COP1: variants seen among roughly 807,000 people sequenced by gnomAD.
COP1 encodes the protein COP1 E3 ubiquitin ligase, also known as E3 ubiquitin-protein ligase COP1.
Under a neutral mutation model 101.3 loss-of-function variants are expected in COP1, and 24 were observed. The ratio of observed to expected loss-of-function variants is 0.24; its 90% CI spans 0.17 to 0.33. The LOEUF is 0.33. COP1 is among the 10% of genes least tolerant of loss of function. The pLI is 1.00. For missense variants in COP1, 663 were observed against 906.2 expected (o/e 0.73, Z 3.45); for synonymous variants, 347 against 341.9 (o/e 1.01, Z -0.17).
intron 1 of COP1, among the ~76,000 whole-genome samples, chr1:176,204,361 C>G (rs1700607795): frequency 6.6e-6 from 1 of 151,972 alleles, no homozygotes; most frequent in Admixed American, 6.6e-5. Context: ...TGAACTTGGG[C>G]TTCGTTTAAA....
In COP1 at chr1:176,175,803, A is replaced by G. The variant is rs1205754035; in HGVS notation, c.565+107T>C. 18 of 609,736 alleles carry G rather than the reference A, an allele frequency of 3.0e-5. 1 individual carries two copies. Among genetic ancestry groups the G allele is most frequent in the Non-Finnish European group, 5.0e-5 (17 of 342,074 alleles). The allele number at this position is 609,736 out of a possible 1,614,324, so 37.8% of individuals were successfully genotyped here. A position where few individuals can be genotyped will look rare whatever the true frequency, so the allele number is the denominator to read the frequency against. ...AGGAAAGCACTGTGGTATACAGTAG[A>G]GAGAGACTTGCTTACCACTAAGGTA... On this transcript the variant is annotated intron_variant, in intron 3 of 19. Coordinates refer to ENST00000367669, the MANE Select transcript of COP1 (RefSeq NM_022457.7).
At chr1:176,083,663 T>C (rs555505639) in intron 10 of COP1, among the ~76,000 whole-genome samples, 2 of 148,442 alleles carry the variant, frequency 1.3e-5, no homozygotes, top group East Asian at 4.0e-4. Flanking sequence ...AAAGTAATAG[T>C]TCTTTAATAT....
At chr1:176,191,191 C>T (rs1428429384) in intron 1 of COP1, among the ~76,000 whole-genome samples, 1 of 151,898 alleles carries the variant, frequency 6.6e-6, no homozygotes, top group Non-Finnish European at 1.5e-5. Context: ...GACTCGAAAA[C>T]AATAAATTAT....
At chr1:175,965,345 G>A (rs544781343) in intron 18 of COP1, among the ~76,000 whole-genome samples, 60 of 152,142 alleles carry the variant, frequency 3.9e-4, no homozygotes, top group Non-Finnish European at 4.3e-4. Context: ...AAGATATAGG[G>A]ATTCTTAAAT....
chr1:176,129,854 C>T (rs535483860), intron 8 of COP1, among the ~76,000 whole-genome samples: 3 of 151,806 alleles, frequency 2.0e-5, no homozygotes, highest in East Asian at 3.9e-4. Flanking sequence ...ATGGCTTTGA[C>T]GAGAATTTAA....
chr1:176,023,577 G>T (rs998674010), intron 15 of COP1, among the ~76,000 whole-genome samples: 9 of 152,008 alleles, frequency 5.9e-5, no homozygotes, highest in African/African-American at 2.2e-4. Flanking sequence ...AATTAGCTGG[G>T]AGTGGTGGCA....
At chr1:176,183,143 A>G (rs548401232) in intron 2 of COP1, among the ~76,000 whole-genome samples, 1 of 152,346 alleles carries the variant, frequency 6.6e-6, no homozygotes, top group Non-Finnish European at 1.5e-5. Flanking sequence ...AGTGACTAGC[A>G]GAGGGAATAC....
At chr1:176,074,494 A>G (rs986398270) in intron 11 of COP1, among the ~76,000 whole-genome samples, 1 of 152,176 alleles carries the variant, frequency 6.6e-6, no homozygotes, top group African/African-American at 2.4e-5. Flanking sequence ...TTAATAGAAA[A>G]AAAACGAATG....
chr1:176,149,944 C>T (rs894850576), intron 5 of COP1, among the ~76,000 whole-genome samples: 3 of 151,898 alleles, frequency 2.0e-5, no homozygotes, highest in Non-Finnish European at 2.9e-5. Flanking sequence ...CCAAAACAAA[C>T]AAAAATACAT....
At chr1:176,025,975 G>A (rs530569366) in intron 15 of COP1, among the ~76,000 whole-genome samples, 1 of 152,006 alleles carries the variant, frequency 6.6e-6, no homozygotes, top group East Asian at 1.9e-4. Flanking sequence ...TAATGCCAAT[G>A]GTTCTAAAAT....
At chr1:176,045,067 A>G (rs1275212849) in intron 12 of COP1, among the ~76,000 whole-genome samples, 3 of 152,194 alleles carry the variant, frequency 2.0e-5, no homozygotes, top group African/African-American at 7.2e-5. Flanking sequence ...TCTAGAACCA[A>G]ACTACTTCAG....
chr1:176,094,805 CAT>C (rs1257445211), intron 9 of COP1, among the ~76,000 whole-genome samples: 1 of 152,012 alleles, frequency 6.6e-6, no homozygotes, highest in Non-Finnish European at 1.5e-5. Context: ...AATCTTTACA[CAT>C]ATAACTACTT....
At chr1:176,173,634 T>C (rs886066487) in intron 3 of COP1, among the ~76,000 whole-genome samples, 33 of 145,330 alleles carry the variant, frequency 2.3e-4, no homozygotes, top group African/African-American at 8.0e-4. Flanking sequence ...TGGGGCGCTG[T>C]CTCAAAAAAA....
chr1:176,168,424 G>A (rs1301893242), intron 3 of COP1, among the ~76,000 whole-genome samples: 3 of 149,156 alleles, frequency 2.0e-5, no homozygotes, highest in African/African-American at 7.5e-5. Flanking sequence ...GAGTACGGGG[G>A]AAAGGAAGGA....
At chr1:176,165,702 TAAAC>T (rs894214071) in intron 3 of COP1, among the ~76,000 whole-genome samples, 12 of 149,740 alleles carry the variant, frequency 8.0e-5, no homozygotes, top group Admixed American at 6.6e-4. Flanking sequence ...AATAAATAAA[TAAAC>T]AAGTAAGTAA....
chr1:175,977,995 C>A (rs1654976599), intron 18 of COP1, among the ~76,000 whole-genome samples: 1 of 151,944 alleles, frequency 6.6e-6, no homozygotes, highest in South Asian at 2.1e-4. Context: ...CATTAGAAAC[C>A]AAACTCAAAT....
chr1:176,029,643 C>G (rs1668326290), intron 14 of COP1, among the ~76,000 whole-genome samples: 3 of 152,082 alleles, frequency 2.0e-5, no homozygotes, highest in Admixed American at 2.0e-4. Context: ...AAAAAGCTCT[C>G]CAGGTGATTC....
Position 176,207,265 on chromosome 1 carries a change from G to C in COP1, c.-287C>G, listed in dbSNP as rs1430562896. The C allele has an allele frequency of 2.6e-6, 1 of 389,560 alleles. No homozygotes were observed. The highest frequency in any genetic ancestry group is 4.5e-6 in the Non-Finnish European group (1 of 220,532). The allele number at this position is 389,560 out of a possible 1,614,324, so 24.1% of individuals were successfully genotyped here. A position where few individuals can be genotyped will look rare whatever the true frequency, so the allele number is the denominator to read the frequency against. ...CAGCCAACCCCGGCGCGCCGTGGCC[G>C]GCCGTGCGCGCGCGCGCGAGCGGCG... is the stretch of plus-strand genomic sequence containing the variant. On this transcript the variant is annotated 5_prime_UTR_variant, in exon 1 of 20. Coordinates refer to ENST00000367669, the MANE Select transcript of COP1 (RefSeq NM_022457.7).
At chr1:176,037,058 A>G (rs1480030056) in intron 14 of COP1, among the ~76,000 whole-genome samples, 1 of 152,204 alleles carries the variant, frequency 6.6e-6, no homozygotes, top group Admixed American at 6.5e-5. Flanking sequence ...TCAAACAAAG[A>G]AAACTACACG....
Sources: allele counts gnomAD v4.1 joint callset (sites outside exome capture counted in the v4.1 genomes callset), GRCh38; gene constraint gnomAD v4.1.1; transcripts MANE v1.5; gene names NCBI Gene and HGNC (gene_info 2026-07-23, HGNC 2026-07-21).